MDGA2: variants seen among roughly 807,000 people sequenced by gnomAD.
The protein encoded by MDGA2 is MAM domain-containing glycosylphosphatidylinositol anchor protein 2.
In MDGA2, 40 loss-of-function variants were observed where a neutral mutation model predicts 117.8. The ratio of observed to expected loss-of-function variants is 0.34; its 90% confidence interval spans 0.26 to 0.44. MDGA2 has a LOEUF of 0.44. MDGA2 is among the 20% of genes least tolerant of loss of function. The probability of loss-of-function intolerance (pLI) is 1.00; values close to 1 mark genes in which losing one functional copy is unlikely to be tolerated. For missense variants in MDGA2, 1,123 were observed against 1,250.6 expected (o/e 0.90, Z 1.54); for synonymous variants, 452 against 439.0 (o/e 1.03, Z -0.37).
intron 3 of MDGA2, among the ~76,000 whole-genome samples, chr14:47,214,860 C>T (rs1245830420): frequency 1.3e-5 from 2 of 152,056 alleles, no homozygotes; most frequent in Non-Finnish European, 2.9e-5. Context: ...TGATGCATTA[C>T]ATTAATATAT....
chr14:47,628,929 T>C (rs1409799614), intron 1 of MDGA2, among the ~76,000 whole-genome samples: 1 of 152,224 alleles, frequency 6.6e-6, no homozygotes, highest in Non-Finnish European at 1.5e-5. Flanking sequence ...GAGACAAGGC[T>C]GAAGAGCCAT....
intron 9 of MDGA2, among the ~76,000 whole-genome samples, chr14:46,924,193 A>G (rs905444254): frequency 7.9e-5 from 12 of 152,030 alleles, no homozygotes; most frequent in African/African-American, 2.9e-4. Context: ...TCTATATAGA[A>G]AAAATTTGTT....
At chr14:47,523,171 G>T (rs1311981300) in intron 1 of MDGA2, among the ~76,000 whole-genome samples, 5 of 151,992 alleles carry the variant, frequency 3.3e-5, no homozygotes, top group African/African-American at 1.2e-4. Context: ...GGCCAAAAAG[G>T]ACGAAAGAAA....
intron 1 of MDGA2, among the ~76,000 whole-genome samples, chr14:47,575,640 C>T (rs1355592076): frequency 6.6e-6 from 1 of 152,120 alleles, no homozygotes; most frequent in Non-Finnish European, 1.5e-5. Context: ...ATCTACTATC[C>T]ATGAAGGACA....
rs535876835 is a variant in MDGA2 at position 46,857,871 on chromosome 14, A to C, written c.2753-2717T>G. Among the ~76,000 whole-genome samples, 21 of 152,024 alleles carry C rather than the reference A, an allele frequency of 1.4e-4. 1 individual carries two copies. Among genetic ancestry groups the C allele is most frequent in the Middle Eastern group, 3.4e-3 (1 of 294 alleles). On this transcript the variant is annotated intron_variant, in intron 14 of 16. Coordinates refer to ENST00000399232, the MANE Select transcript of MDGA2 (RefSeq NM_001113498.3). ...GGGTCTCTCCATCTTACTCAGGTAG[A>C]TCTCCAACTGAGTTCAAGCAATCCT...
intron 3 of MDGA2, among the ~76,000 whole-genome samples, chr14:47,173,493 T>C (rs1884280052): frequency 6.6e-6 from 1 of 152,166 alleles, no homozygotes; most frequent in South Asian, 2.1e-4. Flanking sequence ...GAGGCCAATA[T>C]TCAACATTCT....
At chr14:47,553,282 A>C (rs920567346) in intron 1 of MDGA2, among the ~76,000 whole-genome samples, 2 of 152,232 alleles carry the variant, frequency 1.3e-5, no homozygotes, top group Admixed American at 6.5e-5. Flanking sequence ...TCTGGCAACA[A>C]GAAAAGTGTT....
At chr14:47,555,049 A>G (rs903456799) in intron 1 of MDGA2, among the ~76,000 whole-genome samples, 1 of 152,178 alleles carries the variant, frequency 6.6e-6, no homozygotes, top group Non-Finnish European at 1.5e-5. Context: ...TTATTAGAAC[A>G]GAATGGCTAC....
intron 1 of MDGA2, among the ~76,000 whole-genome samples, chr14:47,645,247 A>G (rs1164803198): frequency 6.6e-6 from 1 of 151,702 alleles, no homozygotes; most frequent in Non-Finnish European, 1.5e-5. Flanking sequence ...TTATAATTCA[A>G]TCCTTTTTTT....
At chr14:47,070,408 T>C (rs1301031988) in intron 6 of MDGA2, among the ~76,000 whole-genome samples, 1 of 152,218 alleles carries the variant, frequency 6.6e-6, no homozygotes, top group Admixed American at 6.5e-5. Context: ...TTCTCAAGTA[T>C]GTGGGAGCCA....
chr14:47,196,009 T>C (rs557271805), intron 3 of MDGA2, among the ~76,000 whole-genome samples: 1 of 152,170 alleles, frequency 6.6e-6, no homozygotes, highest in Admixed American at 6.5e-5. Flanking sequence ...TATACATATA[T>C]ATATATCACT....
At chr14:46,998,746 C>T (rs1887393051) in intron 8 of MDGA2, among the ~76,000 whole-genome samples, 1 of 152,056 alleles carries the variant, frequency 6.6e-6, no homozygotes, top group South Asian at 2.1e-4. Context: ...TTATCCACTA[C>T]CCATCATTAT....
intron 3 of MDGA2, among the ~76,000 whole-genome samples, chr14:47,190,387 G>A (rs544921290): frequency 9.2e-5 from 14 of 152,290 alleles, no homozygotes; most frequent in African/African-American, 2.6e-4. Context: ...AGAAAGTCAG[G>A]ACATGCTGTA....
intron 1 of MDGA2, among the ~76,000 whole-genome samples, chr14:47,392,740 G>A (rs1891924852): frequency 6.6e-6 from 1 of 151,876 alleles, no homozygotes; most frequent in Admixed American, 6.6e-5. Flanking sequence ...TCCAGAGGTA[G>A]ACATACATAT....
intron 1 of MDGA2, among the ~76,000 whole-genome samples, chr14:47,519,276 C>G (rs1038077205): frequency 6.6e-6 from 1 of 152,108 alleles, no homozygotes; most frequent in African/African-American, 2.4e-5. Context: ...GTTTTTAGTT[C>G]TTAATCTATT....
At chr14:47,213,541 A>G (rs538474774) in intron 3 of MDGA2, among the ~76,000 whole-genome samples, 1 of 152,222 alleles carries the variant, frequency 6.6e-6, no homozygotes, top group South Asian at 2.1e-4. Flanking sequence ...TGGAACTCTT[A>G]TTATTCAAAT....
At chr14:47,408,596 G>A (rs10133585) in intron 1 of MDGA2, among the ~76,000 whole-genome samples, 77,300 of 152,052 alleles carry the variant, frequency 0.51, 19,992 homozygotes, top group East Asian at 0.61. Context: ...CAAGGACAAT[G>A]AAACCTCCAC....
At chr14:46,872,780 G>A (rs1481104570) in intron 14 of MDGA2, among the ~76,000 whole-genome samples, 1 of 151,848 alleles carries the variant, frequency 6.6e-6, no homozygotes, top group African/African-American at 2.4e-5. Flanking sequence ...CATAAAGAAT[G>A]GTAGACCTGC....
intron 1 of MDGA2, among the ~76,000 whole-genome samples, chr14:47,502,820 T>C (rs1203652969): frequency 6.6e-6 from 1 of 151,954 alleles, no homozygotes; most frequent in Non-Finnish European, 1.5e-5. Flanking sequence ...GGAGTGCAGA[T>C]GCTTGTCACC....
Sources: allele counts gnomAD v4.1 joint callset (sites outside exome capture counted in the v4.1 genomes callset), GRCh38; gene constraint gnomAD v4.1.1; transcripts MANE v1.5; gene names NCBI Gene and HGNC (gene_info 2026-07-23, HGNC 2026-07-21).